Variants in ACSM5 observed in about 807,000 individuals in gnomAD.
The protein encoded by ACSM5 is acyl-coenzyme A synthetase ACSM5, mitochondrial.
Under a neutral mutation model 71.6 loss-of-function variants are expected in ACSM5, and 56 were observed. The observed-to-expected ratio is 0.78, with a 90% CI of 0.63 to 0.98. ACSM5 has a LOEUF of 0.98. ACSM5 is among the 50% of genes least tolerant of loss of function. ACSM5 has a pLI of 0.00. For synonymous variants in ACSM5, 285 were observed against 281.5 expected, an observed-to-expected ratio of 1.01 and a Z score of -0.12; for missense variants, 723 against 726.0, an observed-to-expected ratio of 1.00 and a Z score of 0.05.
Position 20,431,278 on chromosome 16 carries a change from G to A in ACSM5, c.1265G>A (p.Arg422His), listed in dbSNP as rs144464842. The A allele has an allele frequency of 1.3e-4, 209 of 1,614,136 alleles. No individual in the cohort carries two copies. Among genetic ancestry groups the A allele is most frequent in the African/African-American group, 1.9e-4 (14 of 75,044 alleles). Residue 422 changes from arginine to histidine, a missense_variant, in exon 10 of 14, where the codon CGT (arginine) becomes CAT (histidine). Physicochemically the swap from Arg to His is conservative, Grantham distance 29. Transcript: ENST00000331849. ...PPGEEGNVAV[R>H]IRPTRPFCFF... ...GGAGAAGAGGGGAATGTTGCCGTCC[G>A]TATCAGACCCACTCGGCCCTTCTGT...
At chr16:20,418,329 A>G in intron 3 of ACSM5, 60 bp downstream of exon 3, 2 of 1,514,616 alleles carry the variant, frequency 1.3e-6, no homozygotes, top group South Asian at 1.3e-5. Flanking sequence ...AGAGCTTTGC[A>G]GTGTCCACAG....
chr16:20,425,144 C>T (rs1366843256), intron 6 of ACSM5, among the ~76,000 whole-genome samples: 2 of 152,188 alleles, frequency 1.3e-5, no homozygotes, highest in African/African-American at 4.8e-5. Context: ...TCCCAGCCCC[C>T]GACTACCCTT....
intron 4 of ACSM5, 36 bp from the exon 5 acceptor site, chr16:20,421,222 C>A (rs552475080): frequency 3.9e-6 from 6 of 1,526,534 alleles, no homozygotes; most frequent in Admixed American, 2.0e-5. Context: ...CTGTTTTTAC[C>A]GTGGTAGTGC....
chr16:20,411,533 A>G lies in ACSM5; in HGVS notation c.49A>G (p.Arg17Gly), dbSNP rs1966847633. 2 of 1,614,178 alleles carry G rather than the reference A, an allele frequency of 1.2e-6. No individual in the cohort carries two copies. Among genetic ancestry groups the G allele is most frequent in the Non-Finnish European group, 1.7e-6 (2 of 1,180,032 alleles). The part of the protein sequence containing the change: ...HLVLQALRNS[R>G]AFCGSHGKPA... ...AGTCCTCCAGGCACTGAGGAACTCC[A>G]GGGCATTCTGTGGGTCTCATGGGAA... The change falls in exon 2 of 14, where the codon AGG becomes GGG. Residue 17 changes from arginine to glycine, a missense_variant. Transcript: ENST00000331849.
At chr16:20,439,683 A>G (rs1448878863) in intron 12 of ACSM5, 117 bp from the exon 13 acceptor site, 2 of 1,262,502 alleles carry the variant, frequency 1.6e-6, no homozygotes, top group East Asian at 2.5e-5. Flanking sequence ...CCCAAAAAAA[A>G]CTAGTAGAAC....
chr16:20,436,795 C>T (rs1328773717), intron 10 of ACSM5, among the ~76,000 whole-genome samples: 4 of 152,112 alleles, frequency 2.6e-5, no homozygotes, highest in Non-Finnish European at 4.4e-5. Context: ...CTTTCTAGAC[C>T]CCCTTCTAAG....
chr16:20,427,236 G>T (rs7403995), intron 6 of ACSM5, among the ~76,000 whole-genome samples: 4,515 of 142,894 alleles, frequency 0.032, 113 homozygotes, highest in Admixed American at 0.074. Context: ...GGAGGCAGAG[G>T]TTGCAGTGAG....
chr16:20,429,082 C>T (rs1967044710), intron 7 of ACSM5, among the ~76,000 whole-genome samples: 1 of 152,090 alleles, frequency 6.6e-6, no homozygotes, highest in Admixed American at 6.5e-5. Context: ...ATGATCTCAG[C>T]TCACTGCAAC....
Position 20,429,863 on chromosome 16 carries a change from C to A in ACSM5, c.1125+62C>A, listed in dbSNP as rs529961186. On this transcript the variant is annotated intron_variant, in intron 8 of 13. Transcript: ENST00000331849. ...TCCCCTCGAGAGCTTCCTGCCTCTC[C>A]GGCTGTCACCTCCCTGAAGCTTCTC... 5.7e-6 allele frequency: 9 copies of A among 1,581,750 alleles called. No individual in the cohort carries two copies. The African/African-American group carries it at 1.1e-4, about 19-fold the overall frequency.
At chr16:20,434,053 G>A (rs1967149658) in intron 10 of ACSM5, among the ~76,000 whole-genome samples, 1 of 152,048 alleles carries the variant, frequency 6.6e-6, no homozygotes, top group African/African-American at 2.4e-5. Flanking sequence ...CTCCTTGGTT[G>A]TAGCTTATCT....
At chr16:20,422,455 G>C (rs1966898487) in intron 5 of ACSM5, among the ~76,000 whole-genome samples, 1 of 152,078 alleles carries the variant, frequency 6.6e-6, no homozygotes, top group Non-Finnish European at 1.5e-5. Context: ...TAGACACTTG[G>C]GTAGCTTCCA....
In ACSM5 at chr16:20,423,930, T is replaced by G; in HGVS notation, c.782T>G (p.Leu261Trp). ...FVASGRRWVALTESDIFWNTT... is the reference protein window; with the variant it reads ...FVASGRRWVAWTESDIFWNTT... ...ATTTTTGGCAGACGGTGGGTGGCCTTGACCGAATCTGACATCTTCTGGAAC... is the reference window on the plus strand; with the variant it reads ...ATTTTTGGCAGACGGTGGGTGGCCTGGACCGAATCTGACATCTTCTGGAAC... The change falls in exon 6 of 14, where the codon TTG becomes TGG. Residue 261 changes from leucine to tryptophan, a missense_variant. Leu to Trp is a moderately conservative substitution (Grantham distance 61). Transcript: ENST00000331849. The G allele has an allele frequency of 1.2e-6, 2 of 1,614,058 alleles. No individual in the cohort carries two copies. The highest frequency in any genetic ancestry group is 4.5e-5 in the East Asian group (2 of 44,882).
chr16:20,414,590 T>C (rs1350988310), intron 2 of ACSM5, among the ~76,000 whole-genome samples: 6 of 152,356 alleles, frequency 3.9e-5, no homozygotes, highest in Middle Eastern at 3.4e-3. Context: ...TTTTATGCAA[T>C]TAAGTTTGTG....
chr16:20,437,638 G>A (rs1967230025), intron 12 of ACSM5, among the ~76,000 whole-genome samples: 1 of 141,772 alleles, frequency 7.1e-6, no homozygotes, highest in Non-Finnish European at 1.5e-5. Context: ...TCTTGGGGGA[G>A]GTGCAGGCTC....
In ACSM5 at chr16:20,410,918, CA is replaced by C. The variant is rs1431009482; in HGVS notation, c.-15-546del. Among the ~76,000 whole-genome samples, 3 of 151,834 alleles carry C rather than the reference CA, an allele frequency of 2.0e-5. No homozygotes were observed. The East Asian group carries it at 5.8e-4, about 29-fold the overall frequency. On this transcript the variant is annotated intron_variant, in intron 1 of 13. Coordinates refer to ENST00000331849, the MANE Select transcript of ACSM5 (RefSeq NM_017888.3). ...TGTGAGGACTTAGTACCAAAAAAAA[CA>C]AAAAATAAATAAAAGTATGTAAAAT...
intron 4 of ACSM5, 43 bp from the exon 5 acceptor site, chr16:20,421,214 GT>G (rs769597626): frequency 6.6e-7 from 1 of 1,521,698 alleles, no homozygotes; most frequent in Admixed American, 2.0e-5. Context: ...GCTACTAACT[GT>G]TTTTACCGTG....
intron 2 of ACSM5, among the ~76,000 whole-genome samples, chr16:20,414,495 A>G (rs1451176112): frequency 1.3e-5 from 2 of 152,226 alleles, no homozygotes; most frequent in East Asian, 3.8e-4. Context: ...TAGGAAAACA[A>G]TTCTTCTGAC....
chr16:20,411,483 G>T lies in ACSM5; in HGVS notation c.-2G>T, dbSNP rs1966847469. The T allele has an allele frequency of 6.2e-7, 1 of 1,613,816 alleles. No homozygotes were observed. Among genetic ancestry groups the T allele is most frequent in the African/African-American group, 1.3e-5 (1 of 75,048 alleles). On this transcript the variant is annotated 5_prime_UTR_variant, in exon 2 of 14. Transcript: ENST00000331849. ...CTTTGGTGACAGACAGGAGGCGACTGCATGAGACCATGGCTGAGACACCTA... is the reference window on the plus strand; with the variant it reads ...CTTTGGTGACAGACAGGAGGCGACTTCATGAGACCATGGCTGAGACACCTA...
rs765746303 is a variant in ACSM5 at position 20,431,244 on chromosome 16, C to T, written c.1231C>T (p.Leu411=). 5 of 1,614,046 alleles carry T rather than the reference C, an allele frequency of 3.1e-6. No individual in the cohort carries two copies. Among genetic ancestry groups the T allele is most frequent in the East Asian group, 2.2e-5 (1 of 44,888 alleles). Reference sequence around the variant, plus strand: ...GATTGTGGATGATGAGGGCAACGTCCTGCCTCCTGGAGAAGAGGGGAATGT... The same window carrying T: ...GATTGTGGATGATGAGGGCAACGTCTTGCCTCCTGGAGAAGAGGGGAATGT... The part of the protein sequence containing the change: ...VQIVDDEGNV[L]PPGEEGNVAV... The change falls in exon 10 of 14, where the codon CTG becomes TTG. Residue 411 remains leucine (L), a synonymous_variant. Coordinates refer to ENST00000331849, the MANE Select transcript of ACSM5 (RefSeq NM_017888.3).
Sources: gnomAD v4.1 joint callset for allele counts (sites outside exome capture counted in the v4.1 genomes callset) on GRCh38, gnomAD v4.1.1 for gene constraint, MANE v1.5 for transcripts, NCBI Gene and HGNC (gene_info 2026-07-23, HGNC 2026-07-21) for gene names.